VPS13B: variants seen among roughly 807,000 people sequenced by gnomAD.
The protein encoded by VPS13B is vacuolar protein sorting 13 homolog B, also known as intermembrane lipid transfer protein VPS13B.
Under a neutral mutation model 426.4 loss-of-function variants are expected in VPS13B, and 285 were observed. The ratio of observed to expected loss-of-function variants is 0.67; its 90% CI spans 0.61 to 0.74. The LOEUF (loss-of-function observed/expected upper bound fraction) is 0.74, where lower values mean the gene tolerates loss of function less well. Ranked by LOEUF, VPS13B falls within the 30% of genes least tolerant of loss-of-function variation. VPS13B has a pLI of 0.00. For synonymous variants in VPS13B, 1,676 were observed against 1,676.4 expected (o/e 1.00, Z 0.01); for missense variants, 4,537 against 4,782.6 (o/e 0.95, Z 1.51).
chr8:99,308,722 A>T (rs1820783033), intron 19 of VPS13B, among the ~76,000 whole-genome samples: 1 of 151,826 alleles, frequency 6.6e-6, no homozygotes, highest in Admixed American at 6.6e-5. Context: ...GTCAAATGGT[A>T]ATTTCTAGTT....
chr8:99,644,667 T>A (rs1829508767), intron 34 of VPS13B, among the ~76,000 whole-genome samples: 1 of 152,156 alleles, frequency 6.6e-6, no homozygotes, highest in Admixed American at 6.6e-5. Flanking sequence ...ACAGAATGCA[T>A]CTACTTGAAC....
intron 6 of VPS13B, among the ~76,000 whole-genome samples, chr8:99,111,498 T>C (rs1847366544): frequency 6.6e-6 from 1 of 152,038 alleles, no homozygotes. Flanking sequence ...CTTTTTTCTG[T>C]AATTGTTTTT....
chr8:99,376,630 T>A (rs1486946313), intron 19 of VPS13B, among the ~76,000 whole-genome samples: 1 of 152,170 alleles, frequency 6.6e-6, no homozygotes, highest in East Asian at 1.9e-4. Context: ...GGTGTACCAA[T>A]CACATGTTGA....
intron 19 of VPS13B, among the ~76,000 whole-genome samples, chr8:99,312,158 G>A (rs1821022688): frequency 1.3e-5 from 2 of 152,258 alleles, no homozygotes; most frequent in South Asian, 4.2e-4. Context: ...GGAACATTTA[G>A]CCCATTTACA....
intron 31 of VPS13B, among the ~76,000 whole-genome samples, chr8:99,558,369 C>T (rs772346479): frequency 1.1e-4 from 16 of 151,934 alleles, no homozygotes; most frequent in Non-Finnish European, 1.8e-4. Flanking sequence ...TGCCTAGCTC[C>T]TATCATTTAG....
At chr8:99,234,121 C>T in intron 17 of VPS13B, 1 of 784,308 alleles carries the variant, frequency 1.3e-6, no homozygotes, top group Non-Finnish European at 2.4e-6. Flanking sequence ...AAGAGTGGTC[C>T]CCACCCTGGG....
intron 17 of VPS13B, among the ~76,000 whole-genome samples, chr8:99,256,963 C>T (rs1817775798): frequency 6.6e-6 from 1 of 152,022 alleles, no homozygotes; most frequent in South Asian, 2.1e-4. Flanking sequence ...CTGAATTGGT[C>T]TTATTTACTT....
chr8:99,441,751 A>G (rs553400416), intron 22 of VPS13B, among the ~76,000 whole-genome samples: 14 of 152,226 alleles, frequency 9.2e-5, no homozygotes, highest in Admixed American at 2.6e-4. Context: ...TGAAATTACA[A>G]TTTAGGTAAT....
chr8:99,347,446 C>T (rs924272014), intron 19 of VPS13B: 19 of 160,060 alleles, frequency 1.2e-4, no homozygotes, highest in Admixed American at 3.1e-4. Flanking sequence ...TCTCCTTAGC[C>T]TGTCTTACCC....
chr8:99,640,058 A>AGAAG (rs1400114054), intron 33 of VPS13B, among the ~76,000 whole-genome samples: 38 of 68,418 alleles, frequency 5.6e-4, no homozygotes, highest in African/African-American at 2.0e-3. Flanking sequence ...AGAGAAAAGA[A>AGAAG]AAGAAAAGAA....
At chr8:99,403,791 G>A (rs142968659) in intron 21 of VPS13B, among the ~76,000 whole-genome samples, 90 of 152,210 alleles carry the variant, frequency 5.9e-4, no homozygotes, top group Non-Finnish European at 8.2e-4. Context: ...CAGTTTGTAC[G>A]TACTAATTTT....
At chr8:99,442,334 A>T in intron 22 of VPS13B, 67 bp from the exon 23 acceptor site, 1 of 1,361,362 alleles carries the variant, frequency 7.3e-7, no homozygotes, top group South Asian at 1.2e-5. Flanking sequence ...ATTCTGGCGA[A>T]GATGTTAGGT....
At chr8:99,109,280 G>A (rs1282928313) in intron 5 of VPS13B, among the ~76,000 whole-genome samples, 1 of 151,624 alleles carries the variant, frequency 6.6e-6, no homozygotes, top group Non-Finnish European at 1.5e-5. Context: ...TATATTTTGT[G>A]TTTAAGAAAA....
chr8:99,109,689 A>G (rs1847260102), intron 5 of VPS13B, among the ~76,000 whole-genome samples: 1 of 152,164 alleles, frequency 6.6e-6, no homozygotes, highest in South Asian at 2.1e-4. Flanking sequence ...TGAATAGCTT[A>G]CATTCTTATA....
rs557829613 is a variant in VPS13B, at chr8:99,583,244, A to G, written c.5220+5611A>G. On this transcript the variant is annotated intron_variant, in intron 33 of 61. Coordinates refer to ENST00000357162, the MANE Select transcript of VPS13B (RefSeq NM_152564.5). ...AGATTGTGATTTGAGGTTGGTGTAA[A>G]GAATGTTAGAGAAAAATCTAGGGAA... Among the ~76,000 whole-genome samples, 10 of 152,296 alleles carry G rather than the reference A, an allele frequency of 6.6e-5. 1 individual carries two copies. Among genetic ancestry groups the G allele is most frequent in the African/African-American group, 2.4e-4 (10 of 41,574 alleles).
chr8:99,473,579 G>C (rs1274789115), intron 24 of VPS13B, among the ~76,000 whole-genome samples: 1 of 152,034 alleles, frequency 6.6e-6, no homozygotes, highest in East Asian at 1.9e-4. Flanking sequence ...GTAAAATATT[G>C]AATTGTTTCC....
At chr8:99,101,190 G>A (rs1021886904) in intron 4 of VPS13B, among the ~76,000 whole-genome samples, 1 of 152,154 alleles carries the variant, frequency 6.6e-6, no homozygotes, top group Non-Finnish European at 1.5e-5. Context: ...GGAGTGCAGT[G>A]GCACGATCCC....
chr8:99,627,907 C>T (rs1828683054), intron 33 of VPS13B, among the ~76,000 whole-genome samples: 1 of 152,138 alleles, frequency 6.6e-6, no homozygotes, highest in African/African-American at 2.4e-5. Flanking sequence ...ATTGTGCATC[C>T]CCTCTCTCCT....
At chr8:99,267,433 A>G (rs903659853) in intron 17 of VPS13B, among the ~76,000 whole-genome samples, 1 of 152,140 alleles carries the variant, frequency 6.6e-6, no homozygotes, top group Non-Finnish European at 1.5e-5. Flanking sequence ...ATTATGCGAT[A>G]GAAAAGAAAA....
Sources: gnomAD v4.1 joint callset for allele counts (sites outside exome capture counted in the v4.1 genomes callset) on GRCh38, gnomAD v4.1.1 for gene constraint, MANE v1.5 for transcripts, NCBI Gene and HGNC (gene_info 2026-07-23, HGNC 2026-07-21) for gene names.